The following OR4K14 variants were observed in gnomAD, a reference collection of about 807,000 sequenced individuals.
The protein encoded by OR4K14 is olfactory receptor 4K14.
For synonymous variants in OR4K14, 153 were observed against 141.5 expected (o/e 1.08, Z -0.58); for missense variants, 406 against 373.6 (o/e 1.09, Z -0.72).
At chr14:20,015,301 A>C in intron 1 of OR4K14, 79 bp from the exon 2 acceptor site, 1 of 655,310 alleles carries the variant, frequency 1.5e-6, no homozygotes. Context: ...CAGGCACAGA[A>C]AGACAAATAT....
chr14:20,017,378 A>T (rs1300994112), intron 1 of OR4K14, among the ~76,000 whole-genome samples: 1 of 152,060 alleles, frequency 6.6e-6, no homozygotes, highest in Admixed American at 6.5e-5. Context: ...ACCAATCAAT[A>T]CAAGAAGAAA....
chr14:20,014,810 G>A lies in OR4K14; in HGVS notation c.384C>T (p.Cys128=). ...SMAYDRYVAI[C]KPLHYMTLMS... ...TCAAAGTCATGTAATGCAAGGGTTT[G>A]CATATGGCCACATATCTGTCATAGG... The change falls in exon 2 of 2, where the codon TGC becomes TGT. Residue 128 remains cysteine (C), a synonymous_variant. Coordinates refer to ENST00000641793, the MANE Select transcript of OR4K14 (RefSeq NM_001004712.2). The A allele has an allele frequency of 1.2e-6, 2 of 1,614,102 alleles. No homozygotes were observed. The highest frequency in any genetic ancestry group is 1.7e-6 in the Non-Finnish European group (2 of 1,179,992).
chr14:20,018,515 G>T (rs1877144038), intron 1 of OR4K14, among the ~76,000 whole-genome samples: 1 of 151,946 alleles, frequency 6.6e-6, no homozygotes, highest in South Asian at 2.1e-4. Flanking sequence ...AGGTCATAGA[G>T]CTATACTTTT....
rs1877052610 is a variant in OR4K14, at chr14:20,014,653, C to T, written c.541G>A (p.Asp181Asn). The T allele has an allele frequency of 6.2e-7, 1 of 1,613,896 alleles. No individual in the cohort carries two copies. The highest frequency in any genetic ancestry group is 1.1e-5 in the South Asian group (1 of 91,074). Residue 181 changes from aspartate (D) to asparagine (N), a missense_variant, in exon 2 of 2, where the codon GAC (aspartate) becomes AAC (asparagine). Transcript: ENST00000641793. Reference protein sequence around the residue: ...GPNEVDSFFCDLPLVIKLACM... With the variant: ...GPNEVDSFFCNLPLVIKLACM... ...GCAAGTTTGATCACCAGAGGGAGGT[C>T]ACAGAAGAAGCTGTCTACCTCATTG...
intron 1 of OR4K14, among the ~76,000 whole-genome samples, chr14:20,018,644 T>C: frequency 6.6e-6 from 1 of 152,032 alleles, no homozygotes. Context: ...AATAATCAGA[T>C]GGAAAACTCG....
chr14:20,016,219 C>T (rs1337194890), intron 1 of OR4K14, among the ~76,000 whole-genome samples: 1 of 142,078 alleles, frequency 7.0e-6, no homozygotes, highest in East Asian at 2.2e-4. Flanking sequence ...CTAGCAAAGG[C>T]ATGTTGATAG....
chr14:20,014,457 A>G lies in OR4K14; in HGVS notation c.737T>C (p.Met246Thr). The G allele has an allele frequency of 6.2e-7, 1 of 1,614,134 alleles. No homozygotes were observed. Among genetic ancestry groups the G allele is most frequent in the Non-Finnish European group, 8.5e-7 (1 of 1,179,978 alleles). Residue 246 changes from methionine (M) to threonine (T), a missense_variant, in exon 2 of 2, where the codon ATG (methionine) becomes ACG (threonine). Coordinates refer to ENST00000641793, the MANE Select transcript of OR4K14 (RefSeq NM_001004712.2). ...KALSTCSAHI[M>T]VVTLFFGPCI... ...AGGGCCAAAGAACAGCGTCACTACC[A>G]TGATATGTGCAGAGCAAGTGGAGAG...
Position 20,014,485 on chromosome 14 carries a change from C to T in OR4K14, c.709G>A (p.Ala237Thr), listed in dbSNP as rs759369042. 3 of 1,614,014 alleles carry T rather than the reference C, an allele frequency of 1.9e-6. No individual in the cohort carries two copies. Among genetic ancestry groups the T allele is most frequent in the South Asian group, 1.1e-5 (1 of 91,062 alleles). ...ATATGTGCAGAGCAAGTGGAGAGTG[C>T]TTTGGATGTGCTACCGGCAGCACGC... ...RQRAAGSTSK[A>T]LSTCSAHIMV... The change falls in exon 2 of 2, where the codon GCA becomes ACA. Residue 237 changes from alanine (A) to threonine (T), a missense_variant. By Grantham distance (58) the Ala-to-Thr change is moderately conservative. Coordinates refer to ENST00000641793, the MANE Select transcript of OR4K14 (RefSeq NM_001004712.2).
chr14:20,018,318 A>G (rs1404787364), intron 1 of OR4K14, among the ~76,000 whole-genome samples: 2 of 152,056 alleles, frequency 1.3e-5, no homozygotes, highest in African/African-American at 4.8e-5. Context: ...GAATTTCTAT[A>G]AAAACATTAC....
At chr14:20,018,304 C>T (rs1877139645) in intron 1 of OR4K14, among the ~76,000 whole-genome samples, 1 of 152,006 alleles carries the variant, frequency 6.6e-6, no homozygotes, top group Non-Finnish European at 1.5e-5. Context: ...CTTTGCTTCT[C>T]CTTGAATTTC....
intron 1 of OR4K14, among the ~76,000 whole-genome samples, chr14:20,016,251 A>G (rs945373064): frequency 3.3e-5 from 5 of 149,516 alleles, no homozygotes; most frequent in Admixed American, 2.7e-4. Flanking sequence ...TATGTATATA[A>G]ATATGATTAA....
At chr14:20,016,250 A>T (rs1195512435) in intron 1 of OR4K14, among the ~76,000 whole-genome samples, 1 of 149,594 alleles carries the variant, frequency 6.7e-6, no homozygotes, top group African/African-American at 2.4e-5. Context: ...CTATGTATAT[A>T]AATATGATTA....
intron 1 of OR4K14, among the ~76,000 whole-genome samples, chr14:20,018,521 C>T (rs2138663263): frequency 6.6e-6 from 1 of 152,114 alleles, no homozygotes; most frequent in East Asian, 1.9e-4. Flanking sequence ...TAGAGCTATA[C>T]TTTTATTGAT....
Position 20,014,890 on chromosome 14 carries a change from T to C in OR4K14, c.304A>G (p.Ile102Val). ...LISFGGCMAQ[I>V]FFLHFTGGAE... is the part of the protein sequence containing the mutation. The stretch of plus-strand genomic sequence containing the variant: ...CCACCAGTAAAGTGCAAGAAGAAGA[T>C]TTGAGCCATACATCCTCCAAAGGAG... Residue 102 changes from isoleucine to valine, a missense_variant, in exon 2 of 2, where the codon ATC (isoleucine) becomes GTC (valine). Transcript: ENST00000641793. The C allele has an allele frequency of 6.2e-7, 1 of 1,614,038 alleles. No homozygotes were observed. Among genetic ancestry groups the C allele is most frequent in the Non-Finnish European group, 8.5e-7 (1 of 1,180,008 alleles).
At chr14:20,019,108 C>G (rs1024657513) in intron 1 of OR4K14, 35 bp downstream of exon 1, 2 of 151,982 alleles carry the variant, frequency 1.3e-5, no homozygotes, top group African/African-American at 4.8e-5. Flanking sequence ...ATATCTCATG[C>G]ATGTTCATAT....
In OR4K14 at chr14:20,014,868, C is replaced by G; in HGVS notation, c.326G>C (p.Gly109Ala). Residue 109 changes from glycine to alanine, a missense_variant, in exon 2 of 2, where the codon GGT becomes GCT. Transcript: ENST00000641793. The stretch of plus-strand genomic sequence containing the variant: ...AACCAGGAGCACCATCTCAGCCCCA[C>G]CAGTAAAGTGCAAGAAGAAGATTTG... Reference protein sequence around the residue: ...MAQIFFLHFTGGAEMVLLVSM... With the variant: ...MAQIFFLHFTAGAEMVLLVSM... 1 of 1,614,088 alleles carries G rather than the reference C, an allele frequency of 6.2e-7. No homozygotes were observed. The highest frequency in any genetic ancestry group is 8.5e-7 in the Non-Finnish European group (1 of 1,180,002).
intron 1 of OR4K14, among the ~76,000 whole-genome samples, chr14:20,015,543 G>A (rs1877079783): frequency 6.6e-6 from 1 of 152,122 alleles, no homozygotes; most frequent in Non-Finnish European, 1.5e-5. Context: ...AGTAGGTTTT[G>A]CATTGTCATC....
At chr14:20,018,405 G>A (rs1262195617) in intron 1 of OR4K14, among the ~76,000 whole-genome samples, 1 of 151,856 alleles carries the variant, frequency 6.6e-6, no homozygotes, top group Non-Finnish European at 1.5e-5. Context: ...TAAGTCTGAA[G>A]CCAAAATCCC....
chr14:20,015,334 G>A, intron 1 of OR4K14, 112 bp from the exon 2 acceptor site: 4 of 552,392 alleles, frequency 7.2e-6, no homozygotes, highest in Non-Finnish European at 6.2e-6. Context: ...CTTAATATGT[G>A]GAATCTAAAA....
Sources: allele counts gnomAD v4.1 joint callset (sites outside exome capture counted in the v4.1 genomes callset), GRCh38; gene constraint gnomAD v4.1.1; transcripts MANE v1.5; gene names NCBI Gene and HGNC (gene_info 2026-07-23, HGNC 2026-07-21).